The following CRACR2A variants were observed in gnomAD, a reference collection of about 807,000 sequenced individuals.
CRACR2A encodes EF-hand calcium-binding domain-containing protein 4B.
In CRACR2A, 79 loss-of-function variants were observed where a neutral mutation model predicts 90.5. The observed-to-expected ratio is 0.87, with a 90% CI of 0.73 to 1.05. The LOEUF is 1.05. CRACR2A is among the 50% of genes least tolerant of loss of function. CRACR2A has a pLI of 0.00. For missense variants in CRACR2A, 823 were observed against 897.2 expected (o/e 0.92, Z 1.06); for synonymous variants, 338 against 356.7 (o/e 0.95, Z 0.59).
intron 1 of CRACR2A, among the ~76,000 whole-genome samples, chr12:3,740,889 T>C (rs957575968): frequency 2.6e-5 from 4 of 152,244 alleles, no homozygotes; most frequent in Non-Finnish European, 5.9e-5. Flanking sequence ...CAGCTTGTAG[T>C]GCAGAGCTTT....
At position 3,615,410 on chromosome 12, in the gene CRACR2A, C is replaced by T; in HGVS notation, c.2141G>A (p.Arg714Lys). 4 of 1,551,250 alleles carry T rather than the reference C, an allele frequency of 2.6e-6. No homozygotes were observed. The highest frequency in any genetic ancestry group is 2.6e-6 in the Non-Finnish European group (3 of 1,146,736). Reference protein sequence around the residue: ...RFLKEQEDTVREDTIQVGHPA... With the variant: ...RFLKEQEDTVKEDTIQVGHPA... ...GTGGCCGACCTGAATGGTGTCCTCT[C>T]TCACTGTGTCTTCTTGCTCCTTGAG... Residue 714 changes from arginine to lysine, a missense_variant, in exon 20 of 20, where the codon AGA (arginine) becomes AAA (lysine). By Grantham distance (26) the Arg-to-Lys change is conservative. Coordinates refer to ENST00000440314, the MANE Select transcript of CRACR2A (RefSeq NM_001144958.2).
Position 3,633,485 on chromosome 12 carries a change from A to G in CRACR2A, c.1735+119T>C. ...GAACAGAGCAGACACCAGTATCCCT[A>G]CTGGCCAATCCCCATGGCCCTTCCC... On this transcript the variant is annotated intron_variant, in intron 15 of 19. Transcript: ENST00000440314. The surrounding 1 kb of genome is among the most constrained non-coding windows in gnomAD (Gnocchi z 4.5). The G allele has an allele frequency of 2.2e-6, 3 of 1,354,990 alleles. No homozygotes were observed. The highest frequency in any genetic ancestry group is 3.0e-6 in the Non-Finnish European group (3 of 993,022). The allele number at this position is 1,354,990 out of a possible 1,614,324, so 83.9% of individuals were successfully genotyped here. A position where few individuals can be genotyped will look rare whatever the true frequency, so the allele number is the denominator to read the frequency against.
rs186016175 is a variant in CRACR2A, at chr12:3,624,364, C to T, written c.1932+3072G>A. Among the ~76,000 whole-genome samples, 145 of 152,330 alleles carry T rather than the reference C, an allele frequency of 9.5e-4. 1 individual carries two copies. The highest frequency in any genetic ancestry group is 3.7e-4 in the Non-Finnish European group (25 of 68,026). On this transcript the variant is annotated intron_variant, in intron 17 of 19. Transcript: ENST00000440314. Reference sequence around the variant, plus strand: ...CTCTTTGGAAAAATAAGGTGCTCCACAAATATAAGGTACTTATTATTTTCA... The same window carrying T: ...CTCTTTGGAAAAATAAGGTGCTCCATAAATATAAGGTACTTATTATTTTCA...
At chr12:3,672,473 T>C (rs868609217) in intron 7 of CRACR2A, among the ~76,000 whole-genome samples, 3 of 152,232 alleles carry the variant, frequency 2.0e-5, no homozygotes, top group African/African-American at 7.2e-5. Flanking sequence ...CAAGATTTCA[T>C]GGCAGAAGCA....
intron 8 of CRACR2A, among the ~76,000 whole-genome samples, chr12:3,657,335 G>A (rs982405744): frequency 2.6e-5 from 4 of 152,212 alleles, no homozygotes; most frequent in African/African-American, 4.8e-5. Context: ...ACTCACTACC[G>A]GAGCCCCCTG....
At chr12:3,712,765 G>T (rs1289518670) in intron 3 of CRACR2A, among the ~76,000 whole-genome samples, 1 of 152,184 alleles carries the variant, frequency 6.6e-6, no homozygotes, top group Non-Finnish European at 1.5e-5. Flanking sequence ...GAACAGTGAT[G>T]CTGTACACCA....
intron 4 of CRACR2A, among the ~76,000 whole-genome samples, chr12:3,681,136 T>C (rs1945442825): frequency 1.3e-5 from 2 of 152,212 alleles, no homozygotes; most frequent in Non-Finnish European, 2.9e-5. Flanking sequence ...TGTAAGTGTC[T>C]GTGGACACAC....
chr12:3,680,419 G>A (rs1367766751), intron 4 of CRACR2A, 70 bp from the exon 5 acceptor site: 1 of 1,353,594 alleles, frequency 7.4e-7, no homozygotes, highest in Non-Finnish European at 1.1e-6. Context: ...TGGGACTGCA[G>A]AGCCTTCTGC....
intron 3 of CRACR2A, among the ~76,000 whole-genome samples, chr12:3,710,357 T>C (rs1377075377): frequency 6.6e-6 from 1 of 152,188 alleles, no homozygotes; most frequent in African/African-American, 2.4e-5. Context: ...ATAGACTGGA[T>C]GGCCTATAAA....
intron 4 of CRACR2A, among the ~76,000 whole-genome samples, chr12:3,690,769 T>C (rs1462693291): frequency 2.0e-5 from 3 of 152,216 alleles, no homozygotes; most frequent in African/African-American, 7.2e-5. Flanking sequence ...TGTTGAAGTC[T>C]TCCACTATTA....
intron 1 of CRACR2A, among the ~76,000 whole-genome samples, chr12:3,735,737 C>T (rs1031563318): frequency 6.6e-6 from 1 of 152,204 alleles, no homozygotes; most frequent in Non-Finnish European, 1.5e-5. Flanking sequence ...GTGGTTCTCA[C>T]AGTGGCCGTC....
Position 3,746,328 on chromosome 12 carries a change from C to A in CRACR2A, c.-387+6687G>T, listed in dbSNP as rs938138235. 6.6e-5 allele frequency among the ~76,000 whole-genome samples: 10 copies of A among 151,516 alleles called. No homozygotes were observed. Among genetic ancestry groups the A allele is most frequent in the African/African-American group, 2.2e-4 (9 of 41,194 alleles). ...TGGGGCCCTCATGATGGGATTAGTG[C>A]CCATCATGAAGAGACACCAGAGAGC... On this transcript the variant is annotated intron_variant, in intron 1 of 19. Transcript: ENST00000440314. The surrounding 1 kb of genome is among the most constrained non-coding windows in gnomAD (Gnocchi z 4.4).
Position 3,633,654 on chromosome 12 carries a change from A to C in CRACR2A, c.1685T>G (p.Leu562Arg). ...GNSAVGKTSF[L>R]RRFCEDRFSP... ...GAACCGGTCCTCACAGAATCTCCTCAGGAAGGATGTCTTCCCCACCGCGGA... is the reference window on the plus strand; with the variant it reads ...GAACCGGTCCTCACAGAATCTCCTCCGGAAGGATGTCTTCCCCACCGCGGA... Residue 562 changes from leucine (L) to arginine (R), a missense_variant, in exon 15 of 20, where the codon CTG becomes CGG. Transcript: ENST00000440314. This position sits in a 1 kb window ranked among gnomAD's most constrained non-coding sequence, Gnocchi z 4.5. The C allele has an allele frequency of 1.3e-6, 2 of 1,551,728 alleles. No individual in the cohort carries two copies.
At chr12:3,735,065 A>C (rs963615029) in intron 1 of CRACR2A, among the ~76,000 whole-genome samples, 3 of 135,528 alleles carry the variant, frequency 2.2e-5, no homozygotes, top group African/African-American at 9.4e-5. Context: ...TGAATGTATT[A>C]ACTAACTTTA....
intron 17 of CRACR2A, 49 bp from the exon 18 acceptor site, chr12:3,619,421 C>T: frequency 6.8e-7 from 1 of 1,466,944 alleles, no homozygotes; most frequent in Non-Finnish European, 9.3e-7. Flanking sequence ...ATAGGATTGC[C>T]CAGAGGGCAG....
intron 1 of CRACR2A, among the ~76,000 whole-genome samples, chr12:3,752,325 C>T (rs528821620): frequency 1.5e-5 from 2 of 135,294 alleles, no homozygotes; most frequent in Non-Finnish European, 3.2e-5. Context: ...GACACACACT[C>T]GCACACACAC....
intron 4 of CRACR2A, among the ~76,000 whole-genome samples, chr12:3,685,108 G>T (rs1052312596): frequency 1.3e-5 from 2 of 152,252 alleles, no homozygotes; most frequent in African/African-American, 4.8e-5. Context: ...ATGACAATTG[G>T]TGTAGTTGTG....
In CRACR2A at chr12:3,647,999, T is replaced by C. The variant is rs984575109; in HGVS notation, c.1118+543A>G. 1.0e-5 allele frequency: 10 copies of C among 985,734 alleles called. No individual in the cohort carries two copies. In the African/African-American group the frequency reaches 1.7e-4, roughly 17 times the overall value. The allele number at this position is 985,734 out of a possible 1,614,324, so 61.1% of individuals were successfully genotyped here. On this transcript the variant is annotated intron_variant, in intron 11 of 19. Transcript: ENST00000440314. The stretch of plus-strand genomic sequence containing the variant: ...CTTTGAAGGCTGAGAAAGCTTTTTC[T>C]TGGTGCTCTGTTTGTGATTCATTTA...
At chr12:3,640,547 C>T (rs1944545953) in intron 13 of CRACR2A, 2 of 1,250,682 alleles carry the variant, frequency 1.6e-6, no homozygotes, top group African/African-American at 1.5e-5. Flanking sequence ...TTCTGAGGAA[C>T]CAACAGGCCA....
Sources: allele counts gnomAD v4.1 joint callset (sites outside exome capture counted in the v4.1 genomes callset), GRCh38; gene constraint gnomAD v4.1.1; non-coding constraint Gnocchi (gnomAD v3.1); transcripts MANE v1.5; gene names NCBI Gene and HGNC (gene_info 2026-07-23, HGNC 2026-07-21).